Variants in FSD1L observed in about 807,000 individuals in gnomAD.
The protein encoded by FSD1L is fibronectin type III and SPRY domain containing 1 like.
In FSD1L, 45 loss-of-function variants were observed where a neutral mutation model predicts 71.6. The ratio of observed to expected loss-of-function variants is 0.63; its 90% confidence interval spans 0.49 to 0.81. FSD1L has a LOEUF of 0.81. Ranked by LOEUF, FSD1L falls within the 30% of genes least tolerant of loss-of-function variation. The probability of loss-of-function intolerance (pLI) is 0.00; values close to 1 mark genes in which losing one functional copy is unlikely to be tolerated. For missense variants in FSD1L, 561 were observed against 618.1 expected (o/e 0.91, Z 0.98); for synonymous variants, 197 against 207.2 (o/e 0.95, Z 0.42).
intron 10 of FSD1L, among the ~76,000 whole-genome samples, chr9:105,528,051 A>G (rs1835637099): frequency 6.6e-6 from 1 of 152,146 alleles, no homozygotes; most frequent in Non-Finnish European, 1.5e-5. Flanking sequence ...CACAATTGCT[A>G]CAAAGAGAAT....
intron 9 of FSD1L, among the ~76,000 whole-genome samples, chr9:105,511,206 C>T (rs1834376557): frequency 1.4e-5 from 2 of 145,882 alleles, no homozygotes; most frequent in African/African-American, 2.5e-5. Context: ...TTTTTTTTTG[C>T]CACCTTTGAC....
intron 10 of FSD1L, among the ~76,000 whole-genome samples, chr9:105,514,409 C>T (rs1040836390): frequency 1.3e-5 from 2 of 152,106 alleles, no homozygotes; most frequent in African/African-American, 4.8e-5. Context: ...ATATTCTTTC[C>T]ATAAATATTT....
chr9:105,496,167 C>G (rs1400180818), intron 7 of FSD1L, among the ~76,000 whole-genome samples: 1 of 145,180 alleles, frequency 6.9e-6, no homozygotes, highest in African/African-American at 2.5e-5. Flanking sequence ...CTATTTGTCT[C>G]TTCTTTCACC....
chr9:105,500,967 C>T (rs1297129088), intron 7 of FSD1L, among the ~76,000 whole-genome samples: 1 of 152,170 alleles, frequency 6.6e-6, no homozygotes, highest in Non-Finnish European at 1.5e-5. Flanking sequence ...AGTAACTCTT[C>T]CCATCACTAA....
chr9:105,541,233 A>C (rs950568053), intron 13 of FSD1L, among the ~76,000 whole-genome samples: 1 of 151,930 alleles, frequency 6.6e-6, no homozygotes, highest in South Asian at 2.1e-4. Flanking sequence ...TTAGTGACTA[A>C]AGTTATTGCT....
In FSD1L at chr9:105,539,241, G is replaced by A. The variant is rs147479933; in HGVS notation, c.1379-22G>A. Reference sequence around the variant, plus strand: ...TACAATTTTTTGTATAATAAATTAGGCTTTTTTTCCTTCTTTTTTAGGTCA... The same window carrying A: ...TACAATTTTTTGTATAATAAATTAGACTTTTTTTCCTTCTTTTTTAGGTCA... On this transcript the variant is annotated intron_variant, in intron 12 of 13. Coordinates refer to ENST00000481272, the MANE Select transcript of FSD1L (RefSeq NM_001145313.3). The A allele has an allele frequency of 1.5e-5, 17 of 1,121,752 alleles. No individual in the cohort carries two copies. The African/African-American group carries it at 1.8e-4, about 12-fold the overall frequency. The allele number at this position is 1,121,752 out of a possible 1,614,324, so 69.5% of individuals were successfully genotyped here. A position where few individuals can be genotyped will look rare whatever the true frequency, so the allele number is the denominator to read the frequency against.
chr9:105,446,936 C>T (rs1343671765), upstream of FSD1L, among the ~76,000 whole-genome samples: 2 of 152,062 alleles, frequency 1.3e-5, no homozygotes, highest in Non-Finnish European at 2.9e-5. Context: ...TGAGGAAGAA[C>T]TTTCTCAAGC....
upstream of FSD1L, among the ~76,000 whole-genome samples, chr9:105,443,188 T>G (rs1221995207): frequency 6.6e-6 from 1 of 152,230 alleles, no homozygotes; most frequent in Non-Finnish European, 1.5e-5. Context: ...CTCATGCCGT[T>G]GATAAAGACA....
intron 10 of FSD1L, chr9:105,522,015 AG>A: frequency 6.2e-7 from 1 of 1,613,262 alleles, no homozygotes; most frequent in Non-Finnish European, 8.5e-7. Flanking sequence ...TGTGTTGCTC[AG>A]AGTCACGGAA....
intron 10 of FSD1L, among the ~76,000 whole-genome samples, chr9:105,515,848 C>T (rs1369576922): frequency 6.6e-6 from 1 of 151,036 alleles, no homozygotes; most frequent in African/African-American, 2.4e-5. Context: ...CAGAACCATT[C>T]ACACCTTTGG....
chr9:105,442,371 T>C, the FSD1L span, among the ~76,000 whole-genome samples: 6 of 152,044 alleles, frequency 3.9e-5, no homozygotes, highest in African/African-American at 1.4e-4. Context: ...AACCTCACAG[T>C]TCAGGAAGAT....
intron 10 of FSD1L, chr9:105,520,629 C>T (rs1454060181): frequency 9.3e-6 from 15 of 1,604,346 alleles, no homozygotes; most frequent in South Asian, 6.6e-5. Flanking sequence ...AAAGATTAGG[C>T]GGGAAGGTGT....
chr9:105,460,406 A>G (rs1480146583), intron 1 of FSD1L, among the ~76,000 whole-genome samples: 2 of 152,100 alleles, frequency 1.3e-5, no homozygotes, highest in Non-Finnish European at 2.9e-5. Context: ...CCTGGCCAGC[A>G]TGGTGAAACC....
chr9:105,522,107 A>T, intron 10 of FSD1L: 1 of 1,613,778 alleles, frequency 6.2e-7, no homozygotes, highest in Non-Finnish European at 8.5e-7. Context: ...GACTTGCAGG[A>T]CCACTTTTCC....
intron 2 of FSD1L, among the ~76,000 whole-genome samples, 189 bp from the exon 3 acceptor site, chr9:105,464,047 C>T (rs1820318772): frequency 6.6e-6 from 1 of 152,106 alleles, no homozygotes; most frequent in Admixed American, 6.5e-5. Flanking sequence ...GGGCTTAATA[C>T]AGTACAAATA....
intron 10 of FSD1L, chr9:105,522,198 T>C (rs1415722349): frequency 7.4e-6 from 12 of 1,613,784 alleles, no homozygotes; most frequent in African/African-American, 1.3e-5. Flanking sequence ...ACTGTCAGTA[T>C]TGTCATCGTT....
chr9:105,469,936 G>A (rs544034235), intron 4 of FSD1L, among the ~76,000 whole-genome samples: 81 of 152,104 alleles, frequency 5.3e-4, no homozygotes, highest in African/African-American at 1.2e-3. Context: ...TAATTTTTGC[G>A]TATGGTGTTA....
In FSD1L at chr9:105,524,426, ACTTCTCTGC is replaced by A; in HGVS notation, c.1026-10061_1026-10053del. On this transcript the variant is annotated intron_variant, in intron 10 of 13. Coordinates refer to ENST00000481272, the MANE Select transcript of FSD1L (RefSeq NM_001145313.3). ...TGGACAAGAGGTTGGTAGTATCTTT[ACTTCTCTGC>A]CTTCTGGACTGGATCATGGCCTTAC... 9 of 1,613,530 alleles carry A rather than the reference ACTTCTCTGC, an allele frequency of 5.6e-6. No individual in the cohort carries two copies. The South Asian group carries it at 8.8e-5, about 16-fold the overall frequency.
rs1435503091 is a variant in FSD1L at position 105,463,340 on chromosome 9, A to G, written c.112-896A>G. On this transcript the variant is annotated intron_variant, in intron 2 of 13. Coordinates refer to ENST00000481272, the MANE Select transcript of FSD1L (RefSeq NM_001145313.3). The stretch of plus-strand genomic sequence containing the variant: ...TATGCTTCTGAGAAAATTACAAAGT[A>G]TTAAAGTACTTGCATTTGATTTTTT... Among the ~76,000 whole-genome samples, 72 of 152,222 alleles carry G rather than the reference A, an allele frequency of 4.7e-4. 1 individual carries two copies. Among genetic ancestry groups the G allele is most frequent in the Admixed American group, 4.7e-3 (72 of 15,272 alleles).
Sources: allele counts gnomAD v4.1 joint callset (sites outside exome capture counted in the v4.1 genomes callset), GRCh38; gene constraint gnomAD v4.1.1; transcripts MANE v1.5; gene names NCBI Gene and HGNC (gene_info 2026-07-23, HGNC 2026-07-21).